Variants in WNK1 observed in about 807,000 individuals in gnomAD.
The protein encoded by WNK1 is serine/threonine-protein kinase WNK1.
A neutral mutation model predicts 222.8 loss-of-function variants in WNK1; 38 were observed. That is an observed-to-expected ratio of 0.17 (90% confidence interval 0.13 to 0.22). The LOEUF (loss-of-function observed/expected upper bound fraction) is 0.22. WNK1 is among the 10% of genes least tolerant of loss of function. The probability of loss-of-function intolerance (pLI) is 1.00; values close to 1 mark genes in which losing one functional copy is unlikely to be tolerated. For synonymous variants in WNK1, 1,090 were observed against 1,092.9 expected (o/e 1.00, Z 0.05); for missense variants, 2,348 against 2,918.4 (o/e 0.80, Z 4.50).
chr12:886,914 C>G (rs995251555), intron 19 of WNK1, among the ~76,000 whole-genome samples: 7 of 152,150 alleles, frequency 4.6e-5, no homozygotes, highest in African/African-American at 1.7e-4. Flanking sequence ...ATAAGTAGCT[C>G]AAGAATATCT....
chr12:868,575 C>T (rs1461917241), intron 8 of WNK1: 2 of 1,614,016 alleles, frequency 1.2e-6, no homozygotes, highest in Non-Finnish European at 1.7e-6. Flanking sequence ...GTTCCTCATT[C>T]TGCGCCTGCT....
At position 909,998 on chromosome 12, in the gene WNK1, T is replaced by C. The variant is rs1955972570; in HGVS notation, c.*1206T>C. The C allele has an allele frequency of 6.6e-6, 1 of 152,144 alleles. No individual in the cohort carries two copies. The highest frequency in any genetic ancestry group is 1.5e-5 in the Non-Finnish European group (1 of 68,064). The allele number at this position is 152,144 out of a possible 1,614,324, so 9.4% of individuals were successfully genotyped here. On this transcript the variant is annotated 3_prime_UTR_variant, in exon 28 of 28. Transcript: ENST00000315939. ...GACAACTTAAAAGAATGGTGTGTGCTGGGTGAAAGACAAAGACTAAAGAAT... is the reference window on the plus strand; with the variant it reads ...GACAACTTAAAAGAATGGTGTGTGCCGGGTGAAAGACAAAGACTAAAGAAT...
intron 22 of WNK1, 31 bp downstream of exon 22, chr12:890,544 C>T (rs754051384): frequency 6.2e-7 from 1 of 1,611,490 alleles, no homozygotes; most frequent in East Asian, 2.2e-5. Flanking sequence ...TTTTATATTA[C>T]TAATTCCAGC....
chr12:866,037 T>G (rs61919871), intron 8 of WNK1, among the ~76,000 whole-genome samples: 7,280 of 147,162 alleles, frequency 0.049, 252 homozygotes, highest in Middle Eastern at 0.1. Context: ...AAAAGATCTA[T>G]CTTATAAAAT....
At chr12:842,361 A>G (rs981902005) in intron 4 of WNK1, among the ~76,000 whole-genome samples, 1 of 152,244 alleles carries the variant, frequency 6.6e-6, no homozygotes, top group Admixed American at 6.5e-5. Flanking sequence ...AAAGCAGAAA[A>G]CAATAATAGG....
chr12:785,034 A>G (rs1397879776), intron 1 of WNK1, among the ~76,000 whole-genome samples: 3 of 152,142 alleles, frequency 2.0e-5, no homozygotes, highest in Admixed American at 6.5e-5. Context: ...TCTAGATTGG[A>G]AATAATTTAT....
intron 1 of WNK1, among the ~76,000 whole-genome samples, chr12:778,835 C>T (rs539707911): frequency 9.2e-5 from 14 of 152,160 alleles, no homozygotes; most frequent in South Asian, 4.1e-4. Context: ...ACTTCTCTCT[C>T]GTGCTGTTTC....
rs150409125 is a variant in WNK1 at position 809,053 on chromosome 12, C to T, written c.760-4589C>T. Among the ~76,000 whole-genome samples, 151 of 151,940 alleles carry T rather than the reference C, an allele frequency of 9.9e-4. 2 individuals are homozygous for T. Among genetic ancestry groups the T allele is most frequent in the South Asian group, 7.7e-3 (37 of 4,820 alleles). On this transcript the variant is annotated intron_variant, in intron 1 of 27. Coordinates refer to ENST00000315939, the MANE Select transcript of WNK1 (RefSeq NM_018979.4). ...TGCTGGGATTACAGGCGTGAGCCAC[C>T]GCACCTGGCCTCCTATCTCTCTTAT...
At chr12:868,647 C>G in intron 8 of WNK1, 1 of 1,613,976 alleles carries the variant, frequency 6.2e-7, no homozygotes, top group African/African-American at 1.3e-5. Context: ...GTTCACACAC[C>G]AAGCTCCTCT....
At chr12:808,015 G>T (rs905383216) in intron 1 of WNK1, among the ~76,000 whole-genome samples, 37 of 151,838 alleles carry the variant, frequency 2.4e-4, no homozygotes, top group African/African-American at 9.0e-4. Context: ...CACCGCGCCC[G>T]GCCGGGAGCA....
Position 895,975 on chromosome 12 carries a change from G to A in WNK1, c.5584-96G>A, listed in dbSNP as rs192470428. On this transcript the variant is annotated intron_variant, in intron 23 of 27. Coordinates refer to ENST00000315939, the MANE Select transcript of WNK1 (RefSeq NM_018979.4). ...GACAATCAGCCTACTCTTTGACAGG[G>A]AAATAAAGTGATTCTTTTTTTCCTT... 1.1e-3 allele frequency: 1,715 copies of A among 1,531,758 alleles called. 15 individuals carry two copies. The highest frequency in any genetic ancestry group is 5.5e-4 in the Middle Eastern group (3 of 5,406). The allele number at this position is 1,531,758 out of a possible 1,614,324, so 94.9% of individuals were successfully genotyped here. A position where few individuals can be genotyped will look rare whatever the true frequency, so the allele number is the denominator to read the frequency against.
rs370157983 is a variant in WNK1 at position 881,010 on chromosome 12, T to G, written c.3111+11T>G. On this transcript the variant is annotated intron_variant, in intron 12 of 27. Coordinates refer to ENST00000315939, the MANE Select transcript of WNK1 (RefSeq NM_018979.4). Reference sequence around the variant, plus strand: ...CAAGCAGTTTTGGAGGTAAATAGAATTACTGCATGTTTATATGTAAAACGT... The same window carrying G: ...CAAGCAGTTTTGGAGGTAAATAGAAGTACTGCATGTTTATATGTAAAACGT... 29 of 1,613,960 alleles carry G rather than the reference T, an allele frequency of 1.8e-5. No individual in the cohort carries two copies. The highest frequency in any genetic ancestry group is 2.4e-5 in the Non-Finnish European group (28 of 1,180,008).
At chr12:903,688 C>T (rs560259050) in intron 26 of WNK1, among the ~76,000 whole-genome samples, 1 of 152,206 alleles carries the variant, frequency 6.6e-6, no homozygotes, top group South Asian at 2.1e-4. Flanking sequence ...ATGAAAGGCC[C>T]TACATCCTTA....
chr12:797,672 G>A (rs938694345), intron 1 of WNK1, among the ~76,000 whole-genome samples: 9 of 152,018 alleles, frequency 5.9e-5, no homozygotes, highest in African/African-American at 1.4e-4. Context: ...TGGCCAGGCG[G>A]CTGTGGCTCA....
At chr12:899,674 G>A (rs2154097799) in intron 25 of WNK1, among the ~76,000 whole-genome samples, 1 of 152,208 alleles carries the variant, frequency 6.6e-6, no homozygotes, top group South Asian at 2.1e-4. Context: ...TCAATTTTAG[G>A]ACAACCGACC....
At chr12:811,637 ATTGTC>A (rs1946913809) in intron 1 of WNK1, among the ~76,000 whole-genome samples, 1 of 151,996 alleles carries the variant, frequency 6.6e-6, no homozygotes, top group Admixed American at 6.6e-5. Context: ...CTACTTTATT[ATTGTC>A]TTAAAGTCTT....
chr12:879,779 C>G lies in WNK1; in HGVS notation c.2580C>G (p.Ser860=), dbSNP rs561867195. 2.5e-6 allele frequency: 4 copies of G among 1,614,090 alleles called. No homozygotes were observed. Among genetic ancestry groups the G allele is most frequent in the South Asian group, 2.2e-5 (2 of 91,070 alleles). ...HVSTAQTGFS[S]LPITMAAGIT... ...CTACGGCTCAGACAGGTTTCTCATCCCTTCCCATCACAATGGCAGCTGGCA... is the reference window on the plus strand; with the variant it reads ...CTACGGCTCAGACAGGTTTCTCATCGCTTCCCATCACAATGGCAGCTGGCA... The change falls in exon 11 of 28, where the codon TCC becomes TCG. Residue 860 remains serine, a synonymous_variant. Coordinates refer to ENST00000315939, the MANE Select transcript of WNK1 (RefSeq NM_018979.4).
At chr12:894,424 G>T (rs1270276568) in intron 22 of WNK1, 138 bp from the exon 23 acceptor site, 3 of 728,164 alleles carry the variant, frequency 4.1e-6, no homozygotes, top group Non-Finnish European at 7.5e-6. Flanking sequence ...CTCATGGAGG[G>T]AGGAGATAAG....
chr12:879,404 ATTAAC>A (rs1217655992), intron 10 of WNK1, among the ~76,000 whole-genome samples, 164 bp from the exon 11 acceptor site: 3 of 146,910 alleles, frequency 2.0e-5, no homozygotes, highest in South Asian at 4.2e-4. Flanking sequence ...TATGTGGCAT[ATTAAC>A]TTAACACTAA....
Sources: allele counts gnomAD v4.1 joint callset (sites outside exome capture counted in the v4.1 genomes callset), GRCh38; gene constraint gnomAD v4.1.1; transcripts MANE v1.5; gene names NCBI Gene and HGNC (gene_info 2026-07-23, HGNC 2026-07-21).